Variants in UBR4 observed in about 807,000 individuals in gnomAD.
UBR4 encodes the protein E3 ubiquitin-protein ligase UBR4.
A neutral mutation model predicts 575.6 loss-of-function variants in UBR4; 124 were observed. The ratio of observed to expected loss-of-function variants is 0.22; its 90% CI spans 0.19 to 0.25. UBR4 has a LOEUF of 0.25. UBR4 is among the 10% of genes least tolerant of loss of function. UBR4 has a pLI of 1.00. For synonymous variants in UBR4, 2,455 were observed against 2,473.7 expected (o/e 0.99, Z 0.22); for missense variants, 4,818 against 6,478.8 (o/e 0.74, Z 8.80).
chr1:19,114,342 A>G (rs142688594), intron 75 of UBR4, among the ~76,000 whole-genome samples: 2 of 152,346 alleles, frequency 1.3e-5, no homozygotes, highest in Non-Finnish European at 2.9e-5. Flanking sequence ...GGCTGGAATT[A>G]GAATTTCTGT....
rs2091639374 is a variant in UBR4 at position 19,187,278 on chromosome 1, A to AG, written c.1517dup (p.Ala507CysfsTer20). 6.2e-7 allele frequency: 1 copy of AG among 1,613,810 alleles called. No homozygotes were observed. The highest frequency in any genetic ancestry group is 1.3e-5 in the African/African-American group (1 of 74,994). On this transcript the variant is annotated frameshift_variant, in exon 13 of 106. Coordinates refer to ENST00000375254, the MANE Select transcript of UBR4 (RefSeq NM_020765.3). LOFTEE classifies it high-confidence loss of function. ...TCTGGGCCATAATGCTCAAGGCTGC[A>AG]GGGGGGCCATCTGTCTCCCAACCCT... is the stretch of plus-strand genomic sequence containing the variant.
chr1:19,183,783 T>C (rs1206416271), intron 17 of UBR4, 28 bp downstream of exon 17: 1 of 1,608,904 alleles, frequency 6.2e-7, no homozygotes, highest in Non-Finnish European at 8.5e-7. Flanking sequence ...CATGAGCTCT[T>C]GCCTAGATGG....
At chr1:19,104,771 ATCT>A in intron 85 of UBR4, 105 bp from the exon 86 acceptor site, 2 of 1,249,408 alleles carry the variant, frequency 1.6e-6, no homozygotes, top group Non-Finnish European at 2.3e-6. Context: ...CTGTAGTTAC[ATCT>A]TCTTAATCGA....
intron 99 of UBR4, 117 bp downstream of exon 99, chr1:19,087,699 G>T (rs1201529803): frequency 1.2e-5 from 9 of 730,626 alleles, no homozygotes; most frequent in African/African-American, 3.5e-5. Flanking sequence ...AATCTCCTAA[G>T]ATGCAGGCCT....
At chr1:19,173,686 C>G in intron 22 of UBR4, 65 bp from the exon 23 acceptor site, 9 of 1,467,976 alleles carry the variant, frequency 6.1e-6, no homozygotes, top group South Asian at 1.2e-5. Flanking sequence ...CCTCACAGTA[C>G]GAACTACTCC....
chr1:19,123,474 G>A (rs1284478208), intron 65 of UBR4, among the ~76,000 whole-genome samples: 1 of 147,872 alleles, frequency 6.8e-6, no homozygotes, highest in Non-Finnish European at 1.5e-5. Context: ...AAAAACAAAG[G>A]CTGGGGAGAA....
intron 102 of UBR4, 58 bp from the exon 103 acceptor site, chr1:19,081,631 A>C (rs749098664): frequency 3.2e-4 from 505 of 1,587,110 alleles, no homozygotes; most frequent in Non-Finnish European, 4.1e-4. Flanking sequence ...CCCGGCAGCA[A>C]GAGCAGGAAG....
intron 77 of UBR4, 187 bp downstream of exon 77, chr1:19,113,512 C>T: frequency 1.2e-6 from 1 of 811,194 alleles, no homozygotes; most frequent in Non-Finnish European, 1.9e-6. Flanking sequence ...AGCATTCTGA[C>T]CAGCGCCATA....
chr1:19,095,168 A>C, intron 93 of UBR4, 143 bp from the exon 94 acceptor site: 1 of 1,272,258 alleles, frequency 7.9e-7, no homozygotes, highest in East Asian at 2.3e-5. Context: ...GTGCGTGTAT[A>C]TGCATGTTCT....
chr1:19,143,264 AAGAAAG>A (rs2084297853), intron 55 of UBR4, among the ~76,000 whole-genome samples: 1 of 45,118 alleles, frequency 2.2e-5, no homozygotes, highest in Non-Finnish European at 5.0e-5. Flanking sequence ...GGAAGGAAGA[AAGAAAG>A]AAAGAAAGAA....
intron 61 of UBR4, 101 bp from the exon 62 acceptor site, chr1:19,128,419 T>C: frequency 1.0e-6 from 1 of 964,104 alleles, no homozygotes; most frequent in Non-Finnish European, 1.6e-6. Context: ...CTGACATCCC[T>C]ATCAATCATA....
Position 19,141,757 on chromosome 1 carries a change from C to T in UBR4, c.8200G>A (p.Asp2734Asn). The change falls in exon 56 of 106, where the codon GAT (aspartate) becomes AAT (asparagine). Residue 2734 changes from aspartate (D) to asparagine (N), a missense_variant. By Grantham distance (23) the Asp-to-Asn change is conservative (BLOSUM62 1). Transcript: ENST00000375254. Reference protein sequence around the residue: ...TPMGDKDDDDDDDADEKMQSS... With the variant: ...TPMGDKDDDDNDDADEKMQSS... ...TGCATTTTCTCATCTGCATCATCAT[C>T]GTCATCATCATCCTTGTCTCCTGAG... The T allele has an allele frequency of 2.5e-6, 4 of 1,614,170 alleles. No individual in the cohort carries two copies. The highest frequency in any genetic ancestry group is 3.4e-6 in the Non-Finnish European group (4 of 1,180,032).
At chr1:19,154,555 C>T (rs748273916) in intron 44 of UBR4, among the ~76,000 whole-genome samples, 14 of 152,142 alleles carry the variant, frequency 9.2e-5, no homozygotes, top group Admixed American at 6.5e-4. Context: ...GTAAGTCTCC[C>T]CAGGAGAAAA....
rs2078467966 is a variant in UBR4 at position 19,100,076 on chromosome 1, A to T, written c.13221+300T>A. 2.1e-6 allele frequency: 1 copy of T among 467,520 alleles called. No individual in the cohort carries two copies. Among genetic ancestry groups the T allele is most frequent in the Admixed American group, 3.8e-5 (1 of 26,116 alleles). 29.0% of individuals were successfully genotyped at this position (467,520 alleles called of 1,614,324 possible). ...TAGGGGGCTCAGGTAACTCAGACTC[A>T]CCGAGAAGTCTCTGCCAGAGGCAAT... On this transcript the variant is annotated intron_variant, in intron 89 of 105. Coordinates refer to ENST00000375254, the MANE Select transcript of UBR4 (RefSeq NM_020765.3). This position sits in a 1 kb window ranked among gnomAD's most constrained non-coding sequence, Gnocchi z 4.2.
Position 19,088,266 on chromosome 1 carries a change from T to C in UBR4, c.14431-337A>G, listed in dbSNP as rs2077202207. Among the ~76,000 whole-genome samples the C allele has an allele frequency of 6.6e-6, 1 of 152,238 alleles. No homozygotes were observed. Among genetic ancestry groups the C allele is most frequent in the Admixed American group, 6.5e-5 (1 of 15,284 alleles). On this transcript the variant is annotated intron_variant, in intron 98 of 105. Transcript: ENST00000375254. The surrounding 1 kb of genome is among the most constrained non-coding windows in gnomAD (Gnocchi z 4.0). ...CAAGGGTTGTTGCACTATGATTCAT[T>C]CACTGTTCCCAGGTGAGCTTTTCAA... is the stretch of plus-strand genomic sequence containing the variant.
chr1:19,128,173 A>G lies in UBR4; in HGVS notation c.9111+38T>C, dbSNP rs374032584. ...GGGAACCTGAGAAAGGATCTCAGCC[A>G]ATCCTGTTTCTCACACAGTCTGCCT... On this transcript the variant is annotated intron_variant, in intron 62 of 105. Transcript: ENST00000375254. The G allele has an allele frequency of 4.7e-4, 741 of 1,574,882 alleles. 1 individual carries two copies. Among genetic ancestry groups the G allele is most frequent in the South Asian group, 6.3e-4 (57 of 90,200 alleles).
intron 84 of UBR4, 62 bp from the exon 85 acceptor site, chr1:19,105,251 G>C: frequency 5.8e-6 from 9 of 1,550,376 alleles, no homozygotes; most frequent in Non-Finnish European, 7.8e-6. Flanking sequence ...CAGCTCCAAG[G>C]CTCCCCTTTC....
chr1:19,129,294 A>G (rs1557702360), intron 60 of UBR4, among the ~76,000 whole-genome samples: 1 of 152,194 alleles, frequency 6.6e-6, no homozygotes, highest in Non-Finnish European at 1.5e-5. Flanking sequence ...AGAAAGTGAA[A>G]CTATTCTAAA....
At chr1:19,108,605 A>C (rs1434850348) in intron 81 of UBR4, among the ~76,000 whole-genome samples, 1 of 151,750 alleles carries the variant, frequency 6.6e-6, no homozygotes, top group Non-Finnish European at 1.5e-5. Flanking sequence ...TTCTTGATGA[A>C]ACCGGGTGGC....
Sources: gnomAD v4.1 joint callset for allele counts (sites outside exome capture counted in the v4.1 genomes callset) on GRCh38, gnomAD v4.1.1 for gene constraint, Gnocchi (gnomAD v3.1) non-coding constraint, MANE v1.5 for transcripts, NCBI Gene and HGNC (gene_info 2026-07-23, HGNC 2026-07-21) for gene names.